Variants in LHFPL2 observed in about 807,000 individuals in gnomAD.
LHFPL2 encodes LHFPL tetraspan subfamily member 2, also known as LHFPL tetraspan subfamily member 2 protein.
A neutral mutation model predicts 17.5 loss-of-function variants in LHFPL2; 7 were observed. The observed-to-expected ratio is 0.40, with a 90% CI of 0.23 to 0.75. The LOEUF is 0.75. LHFPL2 is among the 30% of genes least tolerant of loss of function. The pLI, the probability that LHFPL2 is intolerant of heterozygous loss-of-function variation, is 0.37. For missense variants in LHFPL2, 241 were observed against 294.8 expected, an observed-to-expected ratio of 0.82 and a Z score of 1.34; for synonymous variants, 134 against 116.2, an observed-to-expected ratio of 1.15 and a Z score of -0.99.
intron 1 of LHFPL2, among the ~76,000 whole-genome samples, chr5:78,647,822 G>C (rs1438520087): frequency 6.6e-6 from 1 of 151,696 alleles, no homozygotes; most frequent in South Asian, 2.1e-4. Flanking sequence ...CTGAATGGAA[G>C]GGAAAAGAAA....
intron 2 of LHFPL2, among the ~76,000 whole-genome samples, chr5:78,628,992 A>T (rs991066299): frequency 1.3e-5 from 2 of 152,238 alleles, no homozygotes; most frequent in African/African-American, 2.4e-5. Flanking sequence ...GAAGCCTGAG[A>T]CATTGCTCAA....
intron 3 of LHFPL2, among the ~76,000 whole-genome samples, chr5:78,523,131 TG>T (rs1199637099): frequency 8.5e-5 from 13 of 152,078 alleles, no homozygotes; most frequent in East Asian, 3.9e-4. Context: ...TGTGTGTGTG[TG>T]TGTGTATTTC....
chr5:78,534,259 C>T (rs1411789063), intron 3 of LHFPL2, among the ~76,000 whole-genome samples: 3 of 152,170 alleles, frequency 2.0e-5, no homozygotes, highest in Admixed American at 1.3e-4. Context: ...GCCTGGGCCC[C>T]GCAGTGTGCT....
chr5:78,615,048 CA>C (rs1744550627), intron 2 of LHFPL2, among the ~76,000 whole-genome samples: 1 of 152,214 alleles, frequency 6.6e-6, no homozygotes, highest in Non-Finnish European at 1.5e-5. Context: ...CCATAAACTG[CA>C]GAAGAGACTT....
chr5:78,540,785 G>A (rs929670756), intron 3 of LHFPL2, among the ~76,000 whole-genome samples: 1 of 152,192 alleles, frequency 6.6e-6, no homozygotes, highest in Non-Finnish European at 1.5e-5. Context: ...TTATTGAAGC[G>A]GCTCTCTGGG....
intron 1 of LHFPL2, among the ~76,000 whole-genome samples, chr5:78,639,561 TGAAA>T (rs915154297): frequency 3.7e-4 from 56 of 152,280 alleles, no homozygotes; most frequent in African/African-American, 1.3e-3. Flanking sequence ...AAGGAGCAAA[TGAAA>T]GAGTATCTGT....
intron 3 of LHFPL2, among the ~76,000 whole-genome samples, chr5:78,541,533 T>C (rs1756114267): frequency 6.6e-6 from 1 of 152,180 alleles, no homozygotes; most frequent in Non-Finnish European, 1.5e-5. Context: ...CCCGGCCCAG[T>C]TCACTCTGTC....
At chr5:78,526,871 C>T (rs949510585) in intron 3 of LHFPL2, among the ~76,000 whole-genome samples, 5 of 152,130 alleles carry the variant, frequency 3.3e-5, no homozygotes, top group South Asian at 4.1e-4. Context: ...ATCACCATGG[C>T]GTCGCTTTCC....
At chr5:78,633,052 C>T (rs868576972) in intron 1 of LHFPL2, among the ~76,000 whole-genome samples, 2 of 152,150 alleles carry the variant, frequency 1.3e-5, no homozygotes, top group East Asian at 3.8e-4. Flanking sequence ...AGGAGAGTTT[C>T]GACTGGACCT....
intron 3 of LHFPL2, among the ~76,000 whole-genome samples, chr5:78,518,868 C>G (rs1755366277): frequency 1.3e-5 from 2 of 152,168 alleles, no homozygotes; most frequent in African/African-American, 4.8e-5. Context: ...GCATAGTAAA[C>G]AGAGATAAAG....
At chr5:78,572,297 GT>G (rs1757017885) in intron 2 of LHFPL2, among the ~76,000 whole-genome samples, 1 of 151,872 alleles carries the variant, frequency 6.6e-6, no homozygotes, top group Non-Finnish European at 1.5e-5. Context: ...CTACTATACA[GT>G]AAAAAGAAAA....
intron 3 of LHFPL2, among the ~76,000 whole-genome samples, chr5:78,520,657 G>T (rs1055400568): frequency 6.6e-6 from 1 of 151,688 alleles, no homozygotes; most frequent in Admixed American, 6.6e-5. Flanking sequence ...GCACACCCGT[G>T]GGCACTACAC....
chr5:78,492,643 C>T (rs1187529846), intron 4 of LHFPL2, among the ~76,000 whole-genome samples: 1 of 152,170 alleles, frequency 6.6e-6, no homozygotes, highest in Non-Finnish European at 1.5e-5. Flanking sequence ...TGTGGCTGCT[C>T]CTGGCTCAGT....
chr5:78,607,520 C>T (rs773571659), intron 2 of LHFPL2, among the ~76,000 whole-genome samples: 9 of 152,164 alleles, frequency 5.9e-5, no homozygotes, highest in African/African-American at 1.9e-4. Flanking sequence ...TGCCATATTT[C>T]CTCTGAGAAC....
intron 3 of LHFPL2, among the ~76,000 whole-genome samples, chr5:78,521,830 A>G (rs1165276457): frequency 1.3e-5 from 2 of 152,214 alleles, no homozygotes; most frequent in African/African-American, 2.4e-5. Context: ...CATTCATAAA[A>G]GGAAGTGCTG....
At chr5:78,532,181 C>A (rs1314349315) in intron 3 of LHFPL2, among the ~76,000 whole-genome samples, 1 of 152,144 alleles carries the variant, frequency 6.6e-6, no homozygotes, top group African/African-American at 2.4e-5. Context: ...GGCTCAGCCT[C>A]CCAAAGTGCT....
chr5:78,524,055 T>G (rs1755541970), intron 3 of LHFPL2, among the ~76,000 whole-genome samples: 1 of 152,022 alleles, frequency 6.6e-6, no homozygotes. Flanking sequence ...GAACACTCGG[T>G]TTTGCCTGAT....
chr5:78,616,371 G>C (rs540149879), intron 2 of LHFPL2, among the ~76,000 whole-genome samples: 60 of 152,084 alleles, frequency 3.9e-4, no homozygotes, highest in Middle Eastern at 6.8e-3. Flanking sequence ...TTGTGATCCA[G>C]CCGCCTCGCC....
In LHFPL2 at chr5:78,572,352, G is replaced by A. The variant is rs114876905; in HGVS notation, c.-244-7481C>T. Among the ~76,000 whole-genome samples, 448 of 151,652 alleles carry A rather than the reference G, an allele frequency of 3.0e-3. 3 individuals carry two copies. Among genetic ancestry groups the A allele is most frequent in the African/African-American group, 0.01 (431 of 41,318 alleles). ...GGTATGTATGTATTAAAAGAGTTAG[G>A]GCATGTGAAATATCTGAGCTATCTC... is the stretch of plus-strand genomic sequence containing the variant. On this transcript the variant is annotated intron_variant, in intron 2 of 4. Transcript: ENST00000380345.
Sources: gnomAD v4.1 joint callset for allele counts (sites outside exome capture counted in the v4.1 genomes callset) on GRCh38, gnomAD v4.1.1 for gene constraint, MANE v1.5 for transcripts, NCBI Gene and HGNC (gene_info 2026-07-23, HGNC 2026-07-21) for gene names.